MTSS2: variants seen among roughly 807,000 people sequenced by gnomAD.
MTSS2 encodes the protein protein MTSS 2.
In MTSS2, 27 loss-of-function variants were observed where a neutral mutation model predicts 67.1. The ratio of observed to expected loss-of-function variants is 0.40; its 90% CI spans 0.30 to 0.55. The LOEUF (loss-of-function observed/expected upper bound fraction) is 0.55. Among genes scored for constraint, MTSS2 ranks in the 20% least tolerant of loss-of-function variants. MTSS2 has a pLI of 0.43. For synonymous variants in MTSS2, 624 were observed against 468.6 expected, an observed-to-expected ratio of 1.33 and a Z score of -4.28; for missense variants, 1,171 against 1,067.8, an observed-to-expected ratio of 1.10 and a Z score of -1.35.
intron 13 of MTSS2, 21 bp from the exon 14 acceptor site, chr16:70,664,784 G>T: frequency 6.3e-7 from 1 of 1,594,606 alleles, no homozygotes; most frequent in Non-Finnish European, 8.5e-7. Context: ...GAAAGTGCAG[G>T]CTGAAGCCTT....
At chr16:70,684,672 G>A (rs956196930) in intron 1 of MTSS2, among the ~76,000 whole-genome samples, 11 of 152,132 alleles carry the variant, frequency 7.2e-5, no homozygotes, top group Non-Finnish European at 1.3e-4. Context: ...GGGGTGCCTC[G>A]TTCTTTCCCC....
chr16:70,664,638 G>A lies in MTSS2; in HGVS notation c.1431C>T (p.Thr477=). The A allele has an allele frequency of 6.2e-7, 1 of 1,613,320 alleles. No individual in the cohort carries two copies. The highest frequency in any genetic ancestry group is 8.5e-7 in the Non-Finnish European group (1 of 1,179,928). Residue 477 remains threonine, a synonymous_variant, in exon 14 of 15, where the codon ACC becomes ACT. Coordinates refer to ENST00000338779, the MANE Select transcript of MTSS2 (RefSeq NM_138383.3). ...LQYSSGYSTQ[T]TTPSCSEDTI... ...TGTCCTCAGAGCAGGAGGGCGTGGT[G>A]GTCTGCGTGCTGTAGCCGCTGGAGT... is the stretch of plus-strand genomic sequence containing the variant.
Position 70,679,300 on chromosome 16 carries a change from C to A in MTSS2, c.466+15G>T, listed in dbSNP as rs777847871. 7.4e-6 allele frequency: 12 copies of A among 1,613,696 alleles called. No individual in the cohort carries two copies. In the East Asian group the frequency reaches 2.5e-4, roughly 33 times the overall value. ...GGACGGGAGGAGCAGCTGGAGGGAC[C>A]GACATTTGACTTACCAAGTAGCTCT... On this transcript the variant is annotated intron_variant, in intron 7 of 14. Coordinates refer to ENST00000338779, the MANE Select transcript of MTSS2 (RefSeq NM_138383.3).
chr16:70,685,900 C>T lies in MTSS2; in HGVS notation c.-109G>A. 6 of 453,546 alleles carry T rather than the reference C, an allele frequency of 1.3e-5. No homozygotes were observed. Among genetic ancestry groups the T allele is most frequent in the Non-Finnish European group, 1.7e-5 (6 of 345,484 alleles). The allele number at this position is 453,546 out of a possible 1,614,324, so 28.1% of individuals were successfully genotyped here. A position where few individuals can be genotyped will look rare whatever the true frequency, so the allele number is the denominator to read the frequency against. On this transcript the variant is annotated 5_prime_UTR_variant, in exon 1 of 15. Coordinates refer to ENST00000338779, the MANE Select transcript of MTSS2 (RefSeq NM_138383.3). ...CGCTCGCTCCGAGGCCGGGCCGGGC[C>T]TCCCGCCTCCAGGCTGCGCTCAGCG...
At chr16:70,680,908 C>CAG (rs1555511265) in intron 2 of MTSS2, 41 bp from the exon 3 acceptor site, 13 of 1,178,770 alleles carry the variant, frequency 1.1e-5, no homozygotes, top group Non-Finnish European at 2.3e-6. Flanking sequence ...GGTGGTTGGG[C>CAG]GGGGGGGGGG....
At chr16:70,672,306 C>T (rs1299777160) in intron 11 of MTSS2, among the ~76,000 whole-genome samples, 1 of 147,306 alleles carries the variant, frequency 6.8e-6, no homozygotes, top group South Asian at 2.2e-4. Flanking sequence ...GAGATTGCCC[C>T]ACTGCACTCC....
chr16:70,680,137 C>T (rs941105246), intron 3 of MTSS2, 82 bp from the exon 4 acceptor site: 20 of 1,032,862 alleles, frequency 1.9e-5, no homozygotes, highest in Non-Finnish European at 2.5e-5. Flanking sequence ...GGCGCCCCGG[C>T]CGCGCAGGCG....
intron 9 of MTSS2, 71 bp from the exon 10 acceptor site, chr16:70,677,049 C>G (rs561076506): frequency 3.6e-5 from 43 of 1,186,088 alleles, no homozygotes; most frequent in Admixed American, 9.3e-5. Context: ...GGCCCCCCCC[C>G]ACTCTCTAAT....
At position 70,680,966 on chromosome 16, in the gene MTSS2, C is replaced by T. The variant is rs1472769832; in HGVS notation, c.129G>A (p.Leu43=). 1 of 1,605,214 alleles carries T rather than the reference C, an allele frequency of 6.2e-7. No individual in the cohort carries two copies. Among genetic ancestry groups the T allele is most frequent in the Admixed American group, 1.7e-5 (1 of 58,508 alleles). ...TGGGGTGCCCTGGGCCACCTCACCT[C>T]AGCTGGGAATGCAGCTTCGTGGCCT... The part of the protein sequence containing the change: ...NSKATKLHSQ[L]RTTVLAAVAF... Residue 43 remains leucine, a splice_region_variant and synonymous_variant, in exon 2 of 15, where the codon CTG becomes CTA. Transcript: ENST00000338779.
At position 70,664,402 on chromosome 16, in the gene MTSS2, C is replaced by A. The variant is rs1374038728; in HGVS notation, c.1519G>T (p.Gly507Cys). ...GATGACTTGTCAAACTCGGGCGGGC[C>A]CTCGCTGTCCGCATCCCCATTCACG... ...YSVNGDADSE[G>C]PPEFDKSSTI... The change falls in exon 15 of 15, where the codon GGC becomes TGC. Residue 507 changes from glycine (G) to cysteine (C), a missense_variant. By Grantham distance (159) the Gly-to-Cys change is radical. Coordinates refer to ENST00000338779, the MANE Select transcript of MTSS2 (RefSeq NM_138383.3). The A allele has an allele frequency of 1.9e-6, 3 of 1,555,828 alleles. No individual in the cohort carries two copies. The highest frequency in any genetic ancestry group is 2.7e-5 in the African/African-American group (2 of 73,280).
rs369447995 is a variant in MTSS2, at chr16:70,672,911, A to G, written c.1053+1395T>C. On this transcript the variant is annotated intron_variant, in intron 11 of 14. Transcript: ENST00000338779. ...CGCGGTTGCTCACACCTGTAATCCC[A>G]GCACTTTGGGAGGCTAAGGCAGGCA... Among the ~76,000 whole-genome samples, 4 of 152,160 alleles carry G rather than the reference A, an allele frequency of 2.6e-5. No individual in the cohort carries two copies. In the South Asian group the frequency reaches 8.3e-4, roughly 32 times the overall value.
rs780413470 is a variant in MTSS2 at position 70,662,752 on chromosome 16, TTTA to T, written c.*922_*924del. 4 of 152,540 alleles carry T rather than the reference TTTA, an allele frequency of 2.6e-5. No individual in the cohort carries two copies. Among genetic ancestry groups the T allele is most frequent in the Admixed American group, 2.6e-4 (4 of 15,274 alleles). The allele number at this position is 152,540 out of a possible 1,614,324, so 9.4% of individuals were successfully genotyped here. A position where few individuals can be genotyped will look rare whatever the true frequency, so the allele number is the denominator to read the frequency against. ...AGTCCTCGTCCACAGTCAGCTCCATTTTATTATATTCATAAAATGACCCCACAC... is the reference window on the plus strand; with the variant it reads ...AGTCCTCGTCCACAGTCAGCTCCATTTTATATTCATAAAATGACCCCACAC... On this transcript the variant is annotated 3_prime_UTR_variant, in exon 15 of 15. Coordinates refer to ENST00000338779, the MANE Select transcript of MTSS2 (RefSeq NM_138383.3).
chr16:70,665,593 AAGG>A (rs887614952), intron 11 of MTSS2, 53 bp from the exon 12 acceptor site: 5 of 1,478,586 alleles, frequency 3.4e-6, no homozygotes, highest in Non-Finnish European at 4.6e-6. Flanking sequence ...GGCAGGCAGC[AAGG>A]AGGAGAGGAG....
At chr16:70,679,948 G>A (rs1476129676) in intron 4 of MTSS2, 23 bp downstream of exon 4, 2 of 1,224,694 alleles carry the variant, frequency 1.6e-6, no homozygotes, top group Non-Finnish European at 2.2e-6. Flanking sequence ...CCGCCCCCCT[G>A]CCCGCCCGCA....
At position 70,683,292 on chromosome 16, in the gene MTSS2, G is replaced by A. The variant is rs112842518; in HGVS notation, c.70-2267C>T. On this transcript the variant is annotated intron_variant, in intron 1 of 14. Coordinates refer to ENST00000338779, the MANE Select transcript of MTSS2 (RefSeq NM_138383.3). ...CACCTGTAAAATCAGGAGAGGAGGA[G>A]CACCTGCCCCACTGGGTCAGTGTGG... Among the ~76,000 whole-genome samples the A allele has an allele frequency of 5.3e-5, 8 of 152,334 alleles. 2 individuals carry two copies. The highest frequency in any genetic ancestry group is 1.9e-4 in the African/African-American group (8 of 41,574).
chr16:70,667,962 T>C (rs1022174415), intron 11 of MTSS2, among the ~76,000 whole-genome samples: 1 of 146,996 alleles, frequency 6.8e-6, no homozygotes, highest in Admixed American at 7.1e-5. Context: ...TGCAATTCCA[T>C]TCAAATCCCA....
rs1299913499 is a variant in MTSS2, at chr16:70,662,196, CA to C, written c.*1480del. ...TCAGACCCAGCTCCATTCTATCAAT[CA>C]ATCAATCAATCATCAAGACCAAGGT... On this transcript the variant is annotated 3_prime_UTR_variant, in exon 15 of 15. Transcript: ENST00000338779. 1.3e-5 allele frequency: 2 copies of C among 150,696 alleles called. No homozygotes were observed. The highest frequency in any genetic ancestry group is 3.0e-5 in the Non-Finnish European group (2 of 66,980). The allele number at this position is 150,696 out of a possible 1,614,324, so 9.3% of individuals were successfully genotyped here.
At chr16:70,678,564 G>A (rs1252934022) in intron 7 of MTSS2, among the ~76,000 whole-genome samples, 155 bp from the exon 8 acceptor site, 2 of 152,248 alleles carry the variant, frequency 1.3e-5, no homozygotes, top group Admixed American at 1.3e-4. Context: ...GGACTCTGGG[G>A]CTTGTGGAAG....
intron 1 of MTSS2, among the ~76,000 whole-genome samples, chr16:70,683,665 T>A (rs1180461008): frequency 6.6e-6 from 1 of 152,188 alleles, no homozygotes; most frequent in Non-Finnish European, 1.5e-5. Flanking sequence ...CAGCCCAAGG[T>A]CAGGGCCTCC....
Sources: allele counts gnomAD v4.1 joint callset (sites outside exome capture counted in the v4.1 genomes callset), GRCh38; gene constraint gnomAD v4.1.1; transcripts MANE v1.5; gene names NCBI Gene and HGNC (gene_info 2026-07-23, HGNC 2026-07-21).